Variants in ADAMTS16 observed in about 807,000 individuals in gnomAD.
ADAMTS16 encodes A disintegrin and metalloproteinase with thrombospondin motifs 16.
In ADAMTS16, 94 loss-of-function variants were observed where a neutral mutation model predicts 145.8. The observed-to-expected ratio is 0.64, with a 90% confidence interval of 0.55 to 0.77. The LOEUF is 0.77. Among genes scored for constraint, ADAMTS16 ranks in the 30% least tolerant of loss-of-function variants. The pLI, the probability that ADAMTS16 is intolerant of heterozygous loss-of-function variation, is 0.00. For missense variants in ADAMTS16, 1,585 were observed against 1,591.5 expected (o/e 1.00, Z 0.07); for synonymous variants, 659 against 604.3 (o/e 1.09, Z -1.33).
chr5:5,170,397 G>T (rs1735012680), intron 3 of ADAMTS16, among the ~76,000 whole-genome samples: 1 of 151,046 alleles, frequency 6.6e-6, no homozygotes, highest in East Asian at 1.9e-4. Flanking sequence ...TATTTATTTA[G>T]AGACAGAGTC....
intron 18 of ADAMTS16, among the ~76,000 whole-genome samples, chr5:5,302,878 G>T (rs4702254): frequency 0.22 from 33,800 of 152,114 alleles, 4,158 homozygotes; most frequent in Admixed American, 0.37. Flanking sequence ...ACGCTGTAGG[G>T]GTTGGGGGCA....
At chr5:5,200,087 G>A in intron 8 of ADAMTS16, 45 bp from the exon 9 acceptor site, 1 of 1,538,268 alleles carries the variant, frequency 6.5e-7, no homozygotes, top group Non-Finnish European at 8.8e-7. Flanking sequence ...AATTTAAACT[G>A]TTTTTGTTCT....
At chr5:5,307,284 G>A (rs187279333) in intron 21 of ADAMTS16, among the ~76,000 whole-genome samples, 23 of 152,294 alleles carry the variant, frequency 1.5e-4, no homozygotes, top group African/African-American at 2.4e-4. Context: ...TAGGAGTTCC[G>A]AAGGCTGACA....
chr5:5,259,816 C>A (rs969057499), intron 17 of ADAMTS16, among the ~76,000 whole-genome samples: 4 of 152,176 alleles, frequency 2.6e-5, no homozygotes, highest in African/African-American at 7.2e-5. Flanking sequence ...CTTTCAGCTT[C>A]ATTTTTCCTT....
intron 17 of ADAMTS16, among the ~76,000 whole-genome samples, chr5:5,262,081 T>C (rs1738055125): frequency 6.6e-6 from 1 of 152,236 alleles, no homozygotes; most frequent in African/African-American, 2.4e-5. Context: ...AAGTCTTAAA[T>C]AGATAGAGGC....
intron 18 of ADAMTS16, among the ~76,000 whole-genome samples, chr5:5,293,140 G>A (rs149688693): frequency 8.5e-5 from 13 of 152,318 alleles, no homozygotes; most frequent in East Asian, 3.9e-4. Flanking sequence ...TGCTCTGATG[G>A]TGTCACGGTT....
chr5:5,177,495 C>T (rs939470778), intron 3 of ADAMTS16, among the ~76,000 whole-genome samples: 5 of 152,066 alleles, frequency 3.3e-5, no homozygotes, highest in Non-Finnish European at 5.9e-5. Context: ...CACAAAATTT[C>T]TTGGAGAAAA....
chr5:5,258,186 CAA>C (rs1737861515), intron 17 of ADAMTS16, among the ~76,000 whole-genome samples: 1 of 152,134 alleles, frequency 6.6e-6, no homozygotes, highest in Non-Finnish European at 1.5e-5. Context: ...AGTGATTAGC[CAA>C]GTCTCAAGCC....
At chr5:5,281,426 AAT>A (rs1350016557) in intron 18 of ADAMTS16, among the ~76,000 whole-genome samples, 3 of 152,248 alleles carry the variant, frequency 2.0e-5, no homozygotes, top group Non-Finnish European at 2.9e-5. Context: ...GTTTGAAGAG[AAT>A]ATGAGTAAAT....
At chr5:5,155,264 G>T (rs536322634) in intron 3 of ADAMTS16, among the ~76,000 whole-genome samples, 6 of 152,056 alleles carry the variant, frequency 3.9e-5, no homozygotes, top group African/African-American at 1.4e-4. Context: ...TCTGTTAAGG[G>T]CTTCCTTGGC....
intron 10 of ADAMTS16, among the ~76,000 whole-genome samples, chr5:5,214,172 C>T (rs1736354677): frequency 6.6e-6 from 1 of 152,178 alleles, no homozygotes; most frequent in South Asian, 2.1e-4. Flanking sequence ...AGACCTGAAA[C>T]AATTGGTCCA....
At chr5:5,169,031 T>C in intron 3 of ADAMTS16, among the ~76,000 whole-genome samples, 1 of 151,768 alleles carries the variant, frequency 6.6e-6, no homozygotes, top group African/African-American at 2.4e-5. Flanking sequence ...TCCTATGGCA[T>C]GGGGGCTAGA....
intron 4 of ADAMTS16, 35 bp downstream of exon 4, chr5:5,182,340 A>G: frequency 6.3e-7 from 1 of 1,584,454 alleles, no homozygotes; most frequent in Non-Finnish European, 8.6e-7. Context: ...GTATTTAGTG[A>G]TGCTGACATT....
At chr5:5,224,278 G>A (rs1736689691) in intron 11 of ADAMTS16, among the ~76,000 whole-genome samples, 1 of 149,264 alleles carries the variant, frequency 6.7e-6, no homozygotes, top group Non-Finnish European at 1.5e-5. Context: ...AATGGTAATA[G>A]CAATGCTTTC....
At chr5:5,191,160 G>T (rs11134097) in intron 7 of ADAMTS16, among the ~76,000 whole-genome samples, 20,926 of 152,132 alleles carry the variant, frequency 0.14, 1,513 homozygotes, top group Middle Eastern at 0.21. Flanking sequence ...CTGCCCATGT[G>T]TTTTCCCTTT....
chr5:5,306,630 C>A lies in ADAMTS16; in HGVS notation c.3313C>A (p.Leu1105Met), dbSNP rs759136995. 1.9e-6 allele frequency: 3 copies of A among 1,614,084 alleles called. No homozygotes were observed. Among genetic ancestry groups the A allele is most frequent in the East Asian group, 4.5e-5 (2 of 44,888 alleles). The change falls in exon 21 of 23, where the codon CTG becomes ATG. Residue 1105 changes from leucine (L) to methionine (M), a missense_variant. This residue lies in a region of ADAMTS16 where 834 missense variants were observed against 811.7 expected (regional missense o/e 1.03). Coordinates refer to ENST00000274181, the MANE Select transcript of ADAMTS16 (RefSeq NM_139056.4). ...ACATTTGCCGAAGCCCAGCCTGGAG[C>A]TGGAACGTGCCTGCGCCCCGCTTCC... ...CSHLPKPSLELERACAPLPCP... is the reference protein window; with the variant it reads ...CSHLPKPSLEMERACAPLPCP...
At chr5:5,288,383 G>A (rs917840407) in intron 18 of ADAMTS16, among the ~76,000 whole-genome samples, 1 of 152,178 alleles carries the variant, frequency 6.6e-6, no homozygotes, top group Non-Finnish European at 1.5e-5. Flanking sequence ...AGAATGCCAC[G>A]TAAAAGGCTC....
chr5:5,289,013 T>C (rs1158742256), intron 18 of ADAMTS16, among the ~76,000 whole-genome samples: 1 of 152,194 alleles, frequency 6.6e-6, no homozygotes, highest in Non-Finnish European at 1.5e-5. Context: ...AATGGGTTAC[T>C]TGGTGTGTAT....
At chr5:5,309,368 TTTGG>T (rs1457134318) in intron 21 of ADAMTS16, among the ~76,000 whole-genome samples, 1 of 152,180 alleles carries the variant, frequency 6.6e-6, no homozygotes, top group Non-Finnish European at 1.5e-5. Context: ...AGTTGGTTGA[TTTGG>T]TTGGTTGATT....
Sources: allele counts gnomAD v4.1 joint callset (sites outside exome capture counted in the v4.1 genomes callset), GRCh38; gene constraint gnomAD v4.1.1; regional missense constraint gnomAD v4.1.1; transcripts MANE v1.5; gene names NCBI Gene and HGNC (gene_info 2026-07-23, HGNC 2026-07-21).